Variants in CAMTA1 observed in about 807,000 individuals in gnomAD.
CAMTA1 encodes calmodulin binding transcription activator 1.
CAMTA1 carries 27 observed loss-of-function variants against 170.9 expected under a neutral mutation model. That is an observed-to-expected ratio of 0.16 (90% CI 0.12 to 0.22). The LOEUF (loss-of-function observed/expected upper bound fraction) is 0.22, where lower values mean the gene tolerates loss of function less well. Ranked by LOEUF, CAMTA1 falls within the 10% of genes least tolerant of loss-of-function variation. The pLI, the probability that CAMTA1 is intolerant of heterozygous loss-of-function variation, is 1.00. For missense variants in CAMTA1, 1,619 were observed against 2,217.2 expected (o/e 0.73, Z 5.42); for synonymous variants, 833 against 891.5 (o/e 0.93, Z 1.17).
chr1:7,582,224 C>T (rs1436247443), intron 6 of CAMTA1, among the ~76,000 whole-genome samples: 3 of 152,150 alleles, frequency 2.0e-5, no homozygotes, highest in Non-Finnish European at 2.9e-5. Flanking sequence ...GCCCACGTGG[C>T]GGTTGCTCAG....
intron 3 of CAMTA1, chr1:6,871,888 A>G: frequency 7.1e-7 from 1 of 1,412,398 alleles, no homozygotes; most frequent in Non-Finnish European, 9.2e-7. Context: ...ATTTTGGTGT[A>G]CAAGCTGTAA....
chr1:7,714,931 T>C (rs1043393092), intron 11 of CAMTA1, among the ~76,000 whole-genome samples: 1 of 152,238 alleles, frequency 6.6e-6, no homozygotes, highest in Non-Finnish European at 1.5e-5. Context: ...TGAAACTCAC[T>C]GCCCCCTTTT....
chr1:7,199,924 A>G (rs1656339098), intron 4 of CAMTA1, among the ~76,000 whole-genome samples: 2 of 152,194 alleles, frequency 1.3e-5, no homozygotes, highest in African/African-American at 4.8e-5. Flanking sequence ...CACTGTCATG[A>G]ATGTTTATAC....
intron 5 of CAMTA1, among the ~76,000 whole-genome samples, chr1:7,329,400 A>G (rs2082883758): frequency 6.6e-6 from 1 of 152,248 alleles, no homozygotes; most frequent in Middle Eastern, 3.2e-3. Flanking sequence ...GTGGAAAGAA[A>G]TTCCAAAATT....
chr1:7,174,734 G>A lies in CAMTA1; in HGVS notation c.303-74757G>A, dbSNP rs116291994. Among the ~76,000 whole-genome samples the A allele has an allele frequency of 2.7e-3, 414 of 152,318 alleles. 2 individuals carry two copies. The highest frequency in any genetic ancestry group is 9.1e-3 in the African/African-American group (380 of 41,556). On this transcript the variant is annotated intron_variant, in intron 4 of 22. Transcript: ENST00000303635. ...ACGAGCAGGAGGCAGGTGGCCCTGG[G>A]GGGCCTGGGAATTGGGAGGAGTTAG...
At chr1:7,104,041 A>AAT (rs1643249496) in intron 4 of CAMTA1, among the ~76,000 whole-genome samples, 1 of 150,212 alleles carries the variant, frequency 6.7e-6, no homozygotes. Context: ...ATATGCATAC[A>AAT]ACACACACAA....
intron 11 of CAMTA1, among the ~76,000 whole-genome samples, chr1:7,684,387 A>G (rs1015706373): frequency 6.6e-6 from 1 of 152,228 alleles, no homozygotes. Flanking sequence ...TGCCAGACAA[A>G]TGCCCACCAA....
intron 1 of CAMTA1, among the ~76,000 whole-genome samples, chr1:6,791,638 C>T (rs1224816531): frequency 6.6e-6 from 1 of 152,116 alleles, no homozygotes; most frequent in East Asian, 1.9e-4. Flanking sequence ...ATAGTACTGC[C>T]TTTAGTTTTT....
chr1:7,140,608 T>A (rs1422673081), intron 4 of CAMTA1, among the ~76,000 whole-genome samples: 3 of 152,160 alleles, frequency 2.0e-5, no homozygotes, highest in Admixed American at 2.0e-4. Context: ...GACAGCATCA[T>A]CTACTGTTTG....
intron 1 of CAMTA1, among the ~76,000 whole-genome samples, chr1:6,805,738 TG>T (rs1644439071): frequency 6.6e-6 from 1 of 152,208 alleles, no homozygotes; most frequent in Admixed American, 6.5e-5. Context: ...CTTGAACTCC[TG>T]GGCTCAAGTG....
chr1:7,421,233 A>G (rs1200684151), intron 5 of CAMTA1, among the ~76,000 whole-genome samples: 1 of 150,328 alleles, frequency 6.7e-6, no homozygotes, highest in Non-Finnish European at 1.5e-5. Context: ...GTTCACTGCA[A>G]CCTCCACCTC....
At chr1:7,448,911 C>T (rs1345690114) in intron 5 of CAMTA1, among the ~76,000 whole-genome samples, 1 of 152,210 alleles carries the variant, frequency 6.6e-6, no homozygotes, top group Non-Finnish European at 1.5e-5. Context: ...GCACTGCCTG[C>T]TTGCTCTGAG....
intron 22 of CAMTA1, among the ~76,000 whole-genome samples, chr1:7,758,666 T>C (rs955416960): frequency 6.6e-6 from 1 of 152,186 alleles, no homozygotes; most frequent in Non-Finnish European, 1.5e-5. Flanking sequence ...CCGGGCGCGG[T>C]GGCTTACGCC....
chr1:6,873,420 G>A (rs560865964), intron 3 of CAMTA1, among the ~76,000 whole-genome samples: 1 of 152,268 alleles, frequency 6.6e-6, no homozygotes, highest in East Asian at 1.9e-4. Context: ...TGGAAGCCAT[G>A]TGGGGGGCCA....
In CAMTA1 at chr1:7,286,231, G is replaced by T. The variant is rs931787665; in HGVS notation, c.438+36605G>T. On this transcript the variant is annotated intron_variant, in intron 5 of 22. Transcript: ENST00000303635. This position sits in a 1 kb window ranked among gnomAD's most constrained non-coding sequence, Gnocchi z 4.2. ...ATTGGGCCCTGAAGGGTGAGGAGGA[G>T]CAGGTCAGGCAGAGATGGGCATCTG... 1.3e-5 allele frequency among the ~76,000 whole-genome samples: 2 copies of T among 152,198 alleles called. No individual in the cohort carries two copies. The highest frequency in any genetic ancestry group is 2.9e-5 in the Non-Finnish European group (2 of 68,044).
At chr1:7,016,117 A>G (rs193164683) in intron 3 of CAMTA1, among the ~76,000 whole-genome samples, 1 of 142,866 alleles carries the variant, frequency 7.0e-6, no homozygotes, top group African/African-American at 3.0e-5. Context: ...CCCCATCCTA[A>G]CCCCCCGAAA....
At chr1:7,703,149 T>G (rs1277937536) in intron 11 of CAMTA1, among the ~76,000 whole-genome samples, 1 of 152,086 alleles carries the variant, frequency 6.6e-6, no homozygotes, top group Non-Finnish European at 1.5e-5. Context: ...AGCTGGAGGT[T>G]TGGTTCTGCT....
intron 3 of CAMTA1, among the ~76,000 whole-genome samples, chr1:7,045,689 A>C (rs149960094): frequency 2.1e-3 from 315 of 152,356 alleles, no homozygotes; most frequent in African/African-American, 7.2e-3. Context: ...TTTAGAGCAC[A>C]TTGTGCTGAT....
At chr1:7,169,692 A>G (rs1228651635) in intron 4 of CAMTA1, among the ~76,000 whole-genome samples, 1 of 152,052 alleles carries the variant, frequency 6.6e-6, no homozygotes, top group African/African-American at 2.4e-5. Flanking sequence ...TTGTATTTTC[A>G]GTAGAGAAGT....
Sources: gnomAD v4.1 joint callset for allele counts (sites outside exome capture counted in the v4.1 genomes callset) on GRCh38, gnomAD v4.1.1 for gene constraint, Gnocchi (gnomAD v3.1) non-coding constraint, MANE v1.5 for transcripts, NCBI Gene and HGNC (gene_info 2026-07-23, HGNC 2026-07-21) for gene names.